The following KCNH1 variants were observed in gnomAD, a reference collection of about 807,000 sequenced individuals.
The protein encoded by KCNH1 is potassium voltage-gated channel subfamily H member 1.
Under a neutral mutation model 69.2 loss-of-function variants are expected in KCNH1, and 27 were observed. The ratio of observed to expected loss-of-function variants is 0.39; its 90% confidence interval spans 0.29 to 0.54. The LOEUF (loss-of-function observed/expected upper bound fraction) is 0.54. Ranked by LOEUF, KCNH1 falls within the 20% of genes least tolerant of loss-of-function variation. KCNH1 has a pLI of 0.68. For synonymous variants in KCNH1, 456 were observed against 487.7 expected (o/e 0.93, Z 0.86); for missense variants, 798 against 1,261.6 (o/e 0.63, Z 5.57).
chr1:211,131,906 T>A (rs1260316518), intron 1 of KCNH1, among the ~76,000 whole-genome samples: 2 of 152,218 alleles, frequency 1.3e-5, no homozygotes, highest in African/African-American at 2.4e-5. Flanking sequence ...ACAATGCCCA[T>A]CCTAAAAATA....
chr1:211,046,427 G>A (rs972047404), intron 5 of KCNH1, among the ~76,000 whole-genome samples: 3 of 152,172 alleles, frequency 2.0e-5, no homozygotes, highest in Admixed American at 6.5e-5. Context: ...TTCCCCAGGA[G>A]CGAGGGTGTT....
Position 211,133,742 on chromosome 1 carries a change from G to A in KCNH1, c.79+125C>T, listed in dbSNP as rs1022527916. The A allele has an allele frequency of 1.0e-5, 7 of 694,686 alleles. No individual in the cohort carries two copies. Among genetic ancestry groups the A allele is most frequent in the South Asian group, 1.7e-5 (1 of 58,270 alleles). 43.0% of individuals were successfully genotyped at this position (694,686 alleles called of 1,614,324 possible). A position where few individuals can be genotyped will look rare whatever the true frequency, so the allele number is the denominator to read the frequency against. ...CTCGGGGAGGCTGCCCTGGGTGCCC[G>A]CGCCGCGGCTCCTTAGCAGAGCTCG... On this transcript the variant is annotated intron_variant, in intron 1 of 10. Coordinates refer to ENST00000271751, the MANE Select transcript of KCNH1 (RefSeq NM_172362.3). The surrounding 1 kb of genome is among the most constrained non-coding windows in gnomAD (Gnocchi z 5.4).
At chr1:210,845,497 A>G (rs144964310) in intron 7 of KCNH1, among the ~76,000 whole-genome samples, 16,643 of 151,930 alleles carry the variant, frequency 0.11, 1,018 homozygotes, top group Non-Finnish European at 0.16. Flanking sequence ...ATCTCAATAG[A>G]TGCAGAAAAG....
chr1:210,702,786 A>G (rs1229095841), intron 10 of KCNH1, among the ~76,000 whole-genome samples: 1 of 152,192 alleles, frequency 6.6e-6, no homozygotes, highest in Non-Finnish European at 1.5e-5. Flanking sequence ...GCAAGAGAAA[A>G]GAAAAAAGGC....
chr1:210,826,977 C>A (rs577314409), intron 7 of KCNH1, among the ~76,000 whole-genome samples: 1 of 152,372 alleles, frequency 6.6e-6, no homozygotes, highest in African/African-American at 2.4e-5. Flanking sequence ...GCCCTAGTTT[C>A]TTAAACCTGG....
At chr1:211,087,617 ACACACACACACACACACACACG>A (rs1690978298) in intron 4 of KCNH1, among the ~76,000 whole-genome samples, 2 of 98,138 alleles carry the variant, frequency 2.0e-5, no homozygotes, top group African/African-American at 3.7e-5. Context: ...ACACACACAC[ACACACACACACACACACACACG>A]CACACACACA....
chr1:210,920,159 T>C (rs997909033), intron 6 of KCNH1, 90 bp from the exon 7 acceptor site: 26 of 1,161,164 alleles, frequency 2.2e-5, no homozygotes, highest in Admixed American at 4.8e-5. Context: ...ATTTTAAGCA[T>C]AGTGTATTTC....
At chr1:210,856,355 C>T (rs1685837634) in intron 7 of KCNH1, among the ~76,000 whole-genome samples, 1 of 152,192 alleles carries the variant, frequency 6.6e-6, no homozygotes, top group Non-Finnish European at 1.5e-5. Context: ...TTGCTCCTTG[C>T]TCTTCAAATG....
intron 6 of KCNH1, among the ~76,000 whole-genome samples, chr1:210,994,252 T>C (rs1464645808): frequency 6.6e-6 from 1 of 152,212 alleles, no homozygotes; most frequent in African/African-American, 2.4e-5. Flanking sequence ...TTTCTTACTA[T>C]CTCATGTGAT....
chr1:211,054,433 A>G (rs1415605295), intron 5 of KCNH1, among the ~76,000 whole-genome samples: 3 of 152,228 alleles, frequency 2.0e-5, no homozygotes, highest in Non-Finnish European at 2.9e-5. Flanking sequence ...CTCAGACTCT[A>G]TGAAAGAGCT....
intron 10 of KCNH1, among the ~76,000 whole-genome samples, chr1:210,747,489 T>A (rs1022182337): frequency 6.6e-6 from 1 of 152,124 alleles, no homozygotes; most frequent in Non-Finnish European, 1.5e-5. Flanking sequence ...TAAATTCAGG[T>A]CCCATGAATT....
chr1:210,718,665 C>T (rs371218406), intron 10 of KCNH1, among the ~76,000 whole-genome samples: 1,677 of 87,140 alleles, frequency 0.019, 121 homozygotes, highest in African/African-American at 0.095. Context: ...CACACACACA[C>T]ACACACACAC....
At chr1:210,960,715 G>T (rs1003352028) in intron 6 of KCNH1, among the ~76,000 whole-genome samples, 1 of 152,130 alleles carries the variant, frequency 6.6e-6, no homozygotes, top group Non-Finnish European at 1.5e-5. Context: ...CTGCTATGAA[G>T]ATCTGTGTAC....
chr1:210,805,421 C>T (rs1684530598), intron 7 of KCNH1, among the ~76,000 whole-genome samples: 1 of 152,068 alleles, frequency 6.6e-6, no homozygotes, highest in Non-Finnish European at 1.5e-5. Context: ...CCATCACCAC[C>T]AAAAGTTGTG....
intron 7 of KCNH1, among the ~76,000 whole-genome samples, chr1:210,844,252 T>C (rs1040431576): frequency 2.0e-5 from 3 of 152,272 alleles, no homozygotes; most frequent in Non-Finnish European, 4.4e-5. Flanking sequence ...GCTAGGTGCA[T>C]TGGCTCATGC....
intron 5 of KCNH1, among the ~76,000 whole-genome samples, chr1:211,032,432 A>G (rs1689805991): frequency 1.3e-5 from 2 of 152,310 alleles, no homozygotes; most frequent in Admixed American, 1.3e-4. Flanking sequence ...ATATGGAACC[A>G]AAAAAGAGCC....
chr1:210,744,269 C>A (rs561995492), intron 10 of KCNH1, among the ~76,000 whole-genome samples: 1 of 152,192 alleles, frequency 6.6e-6, no homozygotes, highest in Non-Finnish European at 1.5e-5. Context: ...TTAACCTCTG[C>A]AGCATTGTAG....
intron 7 of KCNH1, among the ~76,000 whole-genome samples, chr1:210,842,330 T>TA (rs1685429430): frequency 6.6e-6 from 1 of 152,176 alleles, no homozygotes; most frequent in South Asian, 2.1e-4. Flanking sequence ...AGTGTTATCT[T>TA]AAAAAATCAA....
At chr1:210,694,144 C>T (rs554525000) in intron 10 of KCNH1, among the ~76,000 whole-genome samples, 1 of 152,290 alleles carries the variant, frequency 6.6e-6, no homozygotes, top group East Asian at 1.9e-4. Context: ...TTCACTCTGA[C>T]AGTGCATAAT....
Sources: gnomAD v4.1 joint callset for allele counts (sites outside exome capture counted in the v4.1 genomes callset) on GRCh38, gnomAD v4.1.1 for gene constraint, Gnocchi (gnomAD v3.1) non-coding constraint, MANE v1.5 for transcripts, NCBI Gene and HGNC (gene_info 2026-07-23, HGNC 2026-07-21) for gene names.